PIWIL3: variants seen among roughly 807,000 people sequenced by gnomAD.
The protein encoded by PIWIL3 is piwi-like protein 3.
Under a neutral mutation model 109.7 loss-of-function variants are expected in PIWIL3, and 101 were observed. The observed-to-expected ratio is 0.92, with a 90% CI of 0.78 to 1.09. PIWIL3 has a LOEUF of 1.09. PIWIL3 is among the 50% of genes least tolerant of loss of function. The pLI is 0.00. For synonymous variants in PIWIL3, 373 were observed against 376.4 expected (o/e 0.99, Z 0.10); for missense variants, 1,031 against 1,072.6 (o/e 0.96, Z 0.54).
At position 24,728,391 on chromosome 22, in the gene PIWIL3, C is replaced by T; in HGVS notation, c.1708-17G>A. ...ACAAATCACCTTGAAAACCAGCAAACATGACATTCCCTAAGATACAACAAC... is the reference window on the plus strand; with the variant it reads ...ACAAATCACCTTGAAAACCAGCAAATATGACATTCCCTAAGATACAACAAC... On this transcript the variant is annotated splice_polypyrimidine_tract_variant and intron_variant, in intron 14 of 20. Transcript: ENST00000616349. 6.2e-7 allele frequency: 1 copy of T among 1,614,092 alleles called. No individual in the cohort carries two copies. The highest frequency in any genetic ancestry group is 8.5e-7 in the Non-Finnish European group (1 of 1,179,994).
chr22:24,744,193 A>AAAAACAAAC (rs1924202214), intron 12 of PIWIL3, among the ~76,000 whole-genome samples: 2 of 145,496 alleles, frequency 1.4e-5, no homozygotes, highest in East Asian at 2.0e-4. Flanking sequence ...AAAAAAAAAA[A>AAAAACAAAC]AAAAAAAAAA....
intron 1 of PIWIL3, among the ~76,000 whole-genome samples, chr22:24,765,794 A>T (rs1039804313): frequency 4.6e-5 from 7 of 151,852 alleles, no homozygotes; most frequent in Non-Finnish European, 8.8e-5. Flanking sequence ...CAAAAAAAAA[A>T]AGGAAAAATA....
At chr22:24,753,445 T>A (rs1275330102) in intron 8 of PIWIL3, among the ~76,000 whole-genome samples, 1 of 152,148 alleles carries the variant, frequency 6.6e-6, no homozygotes, top group African/African-American at 2.4e-5. Context: ...GCTGACGAAG[T>A]GGAGGGTTAA....
intron 14 of PIWIL3, among the ~76,000 whole-genome samples, chr22:24,730,140 G>A (rs1196509870): frequency 6.6e-6 from 1 of 151,986 alleles, no homozygotes; most frequent in Admixed American, 6.6e-5. Flanking sequence ...GCCAAAGTGG[G>A]CAGATCACAA....
Position 24,722,462 on chromosome 22 carries a change from C to T in PIWIL3, c.2357+668G>A, listed in dbSNP as rs890760423. ...ACATGGTGGCTCACACCTGTAATCCCAGCACTTTGGGCCACCAAGGTGGGT... is the reference window on the plus strand; with the variant it reads ...ACATGGTGGCTCACACCTGTAATCCTAGCACTTTGGGCCACCAAGGTGGGT... On this transcript the variant is annotated intron_variant, in intron 19 of 20. Coordinates refer to ENST00000616349, the MANE Select transcript of PIWIL3 (RefSeq NM_001255975.1). Among the ~76,000 whole-genome samples, 3 of 152,076 alleles carry T rather than the reference C, an allele frequency of 2.0e-5. No homozygotes were observed. In the South Asian group the frequency reaches 6.2e-4, roughly 32 times the overall value.
chr22:24,749,131 G>T, intron 11 of PIWIL3, 110 bp from the exon 12 acceptor site: 2 of 897,858 alleles, frequency 2.2e-6, no homozygotes, highest in Non-Finnish European at 3.4e-6. Context: ...CTTGTCCGCA[G>T]CATTGAGATG....
intron 12 of PIWIL3, among the ~76,000 whole-genome samples, chr22:24,744,177 T>TGA (rs751591202): frequency 2.8e-5 from 1 of 35,842 alleles, no homozygotes; most frequent in Non-Finnish European, 5.0e-5. Context: ...AGTGACCGAA[T>TGA]TAAAAAAAAA....
intron 7 of PIWIL3, 89 bp downstream of exon 7, chr22:24,754,695 C>T (rs1924916337): frequency 9.6e-7 from 1 of 1,040,512 alleles, no homozygotes; most frequent in Admixed American, 1.8e-5. Flanking sequence ...ACTTTTAAGG[C>T]ATACCACTTC....
In PIWIL3 at chr22:24,725,020, A is replaced by G. The variant is rs1369076496; in HGVS notation, c.2098T>C (p.Cys700Arg). ...ICLKAALDVW[C>R]KNESSMPHSV... ...TGTGGCATCGATGATTCGTTTTTAC[A>G]CCAGACATCCAGGGCAGCTAAGAGG... Residue 700 changes from cysteine to arginine, a missense_variant, in exon 18 of 21, where the codon TGT becomes CGT. Physicochemically the swap from Cys to Arg is radical, Grantham distance 180. Transcript: ENST00000616349. 1 of 1,614,204 alleles carries G rather than the reference A, an allele frequency of 6.2e-7. No individual in the cohort carries two copies. The highest frequency in any genetic ancestry group is 1.1e-5 in the South Asian group (1 of 91,082).
At chr22:24,749,939 T>G in intron 9 of PIWIL3, 120 bp from the exon 10 acceptor site, 1 of 1,362,872 alleles carries the variant, frequency 7.3e-7, no homozygotes, top group South Asian at 1.3e-5. Flanking sequence ...GCTGGTGATA[T>G]AGGTTCCCCA....
intron 19 of PIWIL3, among the ~76,000 whole-genome samples, chr22:24,720,333 G>A (rs1355850367): frequency 7.2e-5 from 10 of 138,916 alleles, no homozygotes; most frequent in South Asian, 2.5e-4. Flanking sequence ...GTGCAGTGGC[G>A]CAATCTCAGC....
intron 7 of PIWIL3, 38 bp from the exon 8 acceptor site, chr22:24,754,255 T>A (rs1924881394): frequency 2.6e-6 from 4 of 1,560,546 alleles, no homozygotes; most frequent in Non-Finnish European, 3.5e-6. Context: ...TCCGATCTCT[T>A]CACATAAAGC....
At chr22:24,722,208 G>A (rs988780942) in intron 19 of PIWIL3, among the ~76,000 whole-genome samples, 9 of 152,188 alleles carry the variant, frequency 5.9e-5, no homozygotes, top group Non-Finnish European at 1.0e-4. Flanking sequence ...TCAGCCTCCT[G>A]CCTAGCTGGG....
intron 7 of PIWIL3, among the ~76,000 whole-genome samples, chr22:24,754,490 A>G (rs887260333): frequency 6.6e-6 from 1 of 152,206 alleles, no homozygotes; most frequent in Non-Finnish European, 1.5e-5. Flanking sequence ...TAATATATAT[A>G]GTTGCTATGA....
In PIWIL3 at chr22:24,735,860, T is replaced by C; in HGVS notation, c.1482A>G (p.Arg494=). The C allele has an allele frequency of 6.2e-7, 1 of 1,607,914 alleles. No homozygotes were observed. Among genetic ancestry groups the C allele is most frequent in the Non-Finnish European group, 8.5e-7 (1 of 1,178,258 alleles). Reference sequence around the variant, plus strand: ...TAAGTAAGGGTAATTCTCTTATTTCTCTTGACCAGTCTCCTTGTGAATTGG... The same window carrying C: ...TAAGTAAGGGTAATTCTCTTATTTCCCTTGACCAGTCTCCTTGTGAATTGG... The part of the protein sequence containing the change: ...VKANSQGDWS[R]EIRELPLLNA... The change falls in exon 13 of 21, where the codon AGA becomes AGG. Residue 494 remains arginine, a synonymous_variant. Coordinates refer to ENST00000616349, the MANE Select transcript of PIWIL3 (RefSeq NM_001255975.1).
At chr22:24,756,132 AT>A (rs900480594) in intron 5 of PIWIL3, among the ~76,000 whole-genome samples, 2 of 152,166 alleles carry the variant, frequency 1.3e-5, no homozygotes, top group Non-Finnish European at 2.9e-5. Flanking sequence ...AAGCAATTTA[AT>A]TGTTCAGTTA....
chr22:24,752,822 C>T (rs1005445277), intron 8 of PIWIL3, among the ~76,000 whole-genome samples: 1 of 152,202 alleles, frequency 6.6e-6, no homozygotes, highest in African/African-American at 2.4e-5. Flanking sequence ...GATCTTTCCA[C>T]ATCCTTGCCA....
chr22:24,745,876 C>T (rs1160980448), intron 12 of PIWIL3, among the ~76,000 whole-genome samples: 2 of 152,032 alleles, frequency 1.3e-5, no homozygotes, highest in Non-Finnish European at 2.9e-5. Context: ...GGAAAAATTA[C>T]TAAACATATA....
intron 8 of PIWIL3, 141 bp from the exon 9 acceptor site, chr22:24,751,639 C>T (rs1569106686): frequency 7.3e-7 from 1 of 1,375,048 alleles, no homozygotes; most frequent in South Asian, 1.5e-5. Context: ...TACTGTACAA[C>T]TCACCCATCT....
Sources: gnomAD v4.1 joint callset for allele counts (sites outside exome capture counted in the v4.1 genomes callset) on GRCh38, gnomAD v4.1.1 for gene constraint, MANE v1.5 for transcripts, NCBI Gene and HGNC (gene_info 2026-07-23, HGNC 2026-07-21) for gene names.